IL1RAPL2: variants seen among roughly 807,000 people sequenced by gnomAD.
The protein encoded by IL1RAPL2 is X-linked interleukin-1 receptor accessory protein-like 2.
Under a neutral mutation model 44.1 loss-of-function variants are expected in IL1RAPL2, and 3 were observed. The ratio of observed to expected loss-of-function variants is 0.07; its 90% CI spans 0.03 to 0.18. The LOEUF (loss-of-function observed/expected upper bound fraction) is 0.18, where lower values mean the gene tolerates loss of function less well. Ranked by LOEUF, IL1RAPL2 falls within the 10% of genes least tolerant of loss-of-function variation. The probability of loss-of-function intolerance (pLI) is 1.00; values close to 1 mark genes in which losing one functional copy is unlikely to be tolerated. For missense variants in IL1RAPL2, 391 were observed against 496.4 expected, an observed-to-expected ratio of 0.79 and a Z score of 2.02; for synonymous variants, 181 against 178.8, an observed-to-expected ratio of 1.01 and a Z score of -0.10.
chrX:104,848,556 CTAAA>C (rs1203000371), intron 2 of IL1RAPL2, among the ~76,000 whole-genome samples: 1 of 105,409 alleles, frequency 9.5e-6, no homozygotes, highest in Non-Finnish European at 1.9e-5. Context: ...AAATTACTTT[CTAAA>C]TAAATAACCC....
At chrX:105,397,706 T>A (rs763662289) in intron 5 of IL1RAPL2, among the ~76,000 whole-genome samples, 1 of 111,224 alleles carries the variant, frequency 9.0e-6, no homozygotes, top group East Asian at 2.9e-4. Flanking sequence ...GCTTTAAATA[T>A]TGTATTTTTA....
chrX:105,603,530 T>G (rs2037269798), intron 6 of IL1RAPL2, among the ~76,000 whole-genome samples: 2 of 111,100 alleles, frequency 1.8e-5, no homozygotes, highest in African/African-American at 6.5e-5. Flanking sequence ...CACCCAGATA[T>G]CAAAAGCAAA....
At chrX:104,884,479 T>C (rs1396361827) in intron 2 of IL1RAPL2, among the ~76,000 whole-genome samples, 1 of 111,454 alleles carries the variant, frequency 9.0e-6, no homozygotes, top group Non-Finnish European at 1.9e-5. Context: ...CAATTTTGTC[T>C]TTCAGATGGA....
At chrX:105,634,895 A>T (rs2037513640) in intron 6 of IL1RAPL2, among the ~76,000 whole-genome samples, 1 of 111,831 alleles carries the variant, frequency 8.9e-6, no homozygotes, top group African/African-American at 3.2e-5. Flanking sequence ...GATCATGATT[A>T]TCCTCATGTT....
intron 1 of IL1RAPL2, among the ~76,000 whole-genome samples, chrX:104,620,072 A>T (rs773823796): frequency 1.8e-5 from 2 of 111,803 alleles, no homozygotes; most frequent in South Asian, 7.6e-4. Flanking sequence ...AGTATGGCTG[A>T]AGAGTAGGAA....
rs111992755 is a variant in IL1RAPL2, at chrX:105,247,125, G to A, written c.543+13121G>A. On this transcript the variant is annotated intron_variant, in intron 4 of 10. Coordinates refer to ENST00000372582, the MANE Select transcript of IL1RAPL2 (RefSeq NM_017416.2). ...CTGGGAATGCAAGGGATATGTGGGA[G>A]AGAGTTGTATCTCCTCTATCTGAAC... 5.2e-3 allele frequency among the ~76,000 whole-genome samples: 580 copies of A among 111,535 alleles called. 4 individuals carry two copies. Among genetic ancestry groups the A allele is most frequent in the African/African-American group, 0.018 (550 of 30,651 alleles).
chrX:105,275,345 G>T (rs1435059277), intron 5 of IL1RAPL2, among the ~76,000 whole-genome samples: 1 of 112,218 alleles, frequency 8.9e-6, no homozygotes, highest in Non-Finnish European at 1.9e-5. Flanking sequence ...GGAAAGCTAA[G>T]TGAATAATTG....
chrX:104,668,387 A>G (rs904947465), intron 2 of IL1RAPL2, among the ~76,000 whole-genome samples: 4 of 106,872 alleles, frequency 3.7e-5, no homozygotes, highest in Non-Finnish European at 7.7e-5. Context: ...CAGGTTAGTT[A>G]CATATGTATA....
chrX:104,651,070 C>A (rs1469474240), intron 1 of IL1RAPL2, among the ~76,000 whole-genome samples: 1 of 112,021 alleles, frequency 8.9e-6, no homozygotes, highest in East Asian at 2.8e-4. Context: ...TTATTATCAT[C>A]ATAAAGTATA....
At chrX:105,735,094 C>CT (rs905155854) in intron 7 of IL1RAPL2, among the ~76,000 whole-genome samples, 1 of 111,357 alleles carries the variant, frequency 9.0e-6, no homozygotes, top group African/African-American at 3.3e-5. Flanking sequence ...AGTTTGTTCA[C>CT]TTTTTTCTTT....
chrX:104,567,246 C>T (rs1156375179), intron 1 of IL1RAPL2, among the ~76,000 whole-genome samples, 195 bp downstream of exon 1: 1 of 112,961 alleles, frequency 8.9e-6, no homozygotes, highest in Non-Finnish European at 1.9e-5. Flanking sequence ...GGGAATAGAG[C>T]TCCGAAGGCC....
At chrX:105,701,816 C>T (rs914957993) in intron 6 of IL1RAPL2, among the ~76,000 whole-genome samples, 1 of 111,519 alleles carries the variant, frequency 9.0e-6, no homozygotes, top group Non-Finnish European at 1.9e-5. Context: ...TTTGCTTTTT[C>T]TTTTGTTTTG....
chrX:105,306,344 A>G (rs935989770), intron 5 of IL1RAPL2, among the ~76,000 whole-genome samples: 4 of 111,752 alleles, frequency 3.6e-5, no homozygotes, highest in Non-Finnish European at 5.6e-5. Flanking sequence ...AGACTCCAGT[A>G]TAGTTTACAA....
At chrX:104,631,067 C>T (rs1569284804) in intron 1 of IL1RAPL2, among the ~76,000 whole-genome samples, 1 of 110,846 alleles carries the variant, frequency 9.0e-6, no homozygotes, top group East Asian at 2.8e-4. Flanking sequence ...CAATTCCCAC[C>T]TATGAGTGAG....
intron 5 of IL1RAPL2, among the ~76,000 whole-genome samples, chrX:105,442,866 G>A (rs992551572): frequency 9.0e-6 from 1 of 111,305 alleles, no homozygotes; most frequent in Non-Finnish European, 1.9e-5. Context: ...ACTTGAGGAC[G>A]GGAGTTCAAG....
chrX:104,636,224 C>T (rs1006121105), intron 1 of IL1RAPL2, among the ~76,000 whole-genome samples: 6 of 111,530 alleles, frequency 5.4e-5, no homozygotes, highest in African/African-American at 2.0e-4. Context: ...AGAGGAGTAC[C>T]CGGGCATGTG....
At chrX:105,131,393 C>T (rs1464736392) in intron 2 of IL1RAPL2, among the ~76,000 whole-genome samples, 3 of 109,931 alleles carry the variant, frequency 2.7e-5, no homozygotes, top group African/African-American at 9.9e-5. Flanking sequence ...TAGAAACAGC[C>T]ATATATAATT....
intron 6 of IL1RAPL2, among the ~76,000 whole-genome samples, chrX:105,662,410 A>G (rs944682183): frequency 3.6e-5 from 4 of 111,729 alleles, no homozygotes; most frequent in Non-Finnish European, 7.5e-5. Flanking sequence ...TGTGTACCCA[A>G]TCTCTTATTG....
At chrX:105,282,012 G>A (rs1482538030) in intron 5 of IL1RAPL2, among the ~76,000 whole-genome samples, 1 of 111,177 alleles carries the variant, frequency 9.0e-6, no homozygotes, top group Non-Finnish European at 1.9e-5. Flanking sequence ...TTAACTAGGG[G>A]GCTATTAAAA....
Sources: allele counts gnomAD v4.1 joint callset (sites outside exome capture counted in the v4.1 genomes callset), GRCh38; gene constraint gnomAD v4.1.1; transcripts MANE v1.5; gene names NCBI Gene and HGNC (gene_info 2026-07-23, HGNC 2026-07-21).